Variants in RIMS2 observed in about 807,000 individuals in gnomAD.
RIMS2 encodes regulating synaptic membrane exocytosis protein 2.
A neutral mutation model predicts 174.4 loss-of-function variants in RIMS2; 59 were observed. The observed-to-expected ratio is 0.34, with a 90% CI of 0.27 to 0.42. The LOEUF (loss-of-function observed/expected upper bound fraction) is 0.42. Ranked by LOEUF, RIMS2 falls within the 10% of genes least tolerant of loss-of-function variation. The pLI, the probability that RIMS2 is intolerant of heterozygous loss-of-function variation, is 1.00. For synonymous variants in RIMS2, 606 were observed against 572.5 expected, an observed-to-expected ratio of 1.06 and a Z score of -0.84; for missense variants, 1,620 against 1,666.3, an observed-to-expected ratio of 0.97 and a Z score of 0.48.
At chr8:103,693,064 G>A (rs1458460106) in intron 1 of RIMS2, among the ~76,000 whole-genome samples, 1 of 152,172 alleles carries the variant, frequency 6.6e-6, no homozygotes, top group South Asian at 2.1e-4. Flanking sequence ...TCCTACTGCT[G>A]TGATGGGCAA....
chr8:103,985,184 G>A (rs576922472), intron 16 of RIMS2, among the ~76,000 whole-genome samples: 24 of 152,022 alleles, frequency 1.6e-4, no homozygotes, highest in Non-Finnish European at 3.1e-4. Context: ...AACTAAAAGA[G>A]TATAATCGGG....
chr8:103,532,166 G>T (rs1837487045), intron 1 of RIMS2, among the ~76,000 whole-genome samples: 4 of 152,098 alleles, frequency 2.6e-5, no homozygotes, highest in South Asian at 2.1e-4. Context: ...GCTCTTCATT[G>T]TACACAAATA....
At chr8:103,614,670 C>T (rs1304323289) in intron 1 of RIMS2, among the ~76,000 whole-genome samples, 3 of 152,200 alleles carry the variant, frequency 2.0e-5, no homozygotes, top group Non-Finnish European at 4.4e-5. Flanking sequence ...AGCAACCCTC[C>T]TTTCTACTCA....
intron 3 of RIMS2, among the ~76,000 whole-genome samples, chr8:103,791,179 G>A (rs549650414): frequency 1.6e-3 from 240 of 152,234 alleles, no homozygotes; most frequent in Non-Finnish European, 2.6e-3. Flanking sequence ...AGAGAAGGTC[G>A]GGTTACCCAC....
At chr8:104,121,770 T>G (rs2098378483) in intron 19 of RIMS2, among the ~76,000 whole-genome samples, 1 of 151,974 alleles carries the variant, frequency 6.6e-6, no homozygotes, top group Non-Finnish European at 1.5e-5. Flanking sequence ...GAGACCAGCC[T>G]GACCAACATG....
chr8:103,595,337 C>A (rs545763494), intron 1 of RIMS2, among the ~76,000 whole-genome samples: 3 of 151,760 alleles, frequency 2.0e-5, no homozygotes, highest in African/African-American at 4.8e-5. Flanking sequence ...GTAAAAGGTA[C>A]AATTTCTCAT....
intron 3 of RIMS2, among the ~76,000 whole-genome samples, chr8:103,770,371 T>A (rs193056868): frequency 6.6e-6 from 1 of 151,934 alleles, no homozygotes; most frequent in Non-Finnish European, 1.5e-5. Flanking sequence ...AGGTCAGGAG[T>A]TCAAGACCAG....
At chr8:103,841,816 G>A (rs752019081) in intron 3 of RIMS2, among the ~76,000 whole-genome samples, 11 of 152,064 alleles carry the variant, frequency 7.2e-5, no homozygotes, top group Non-Finnish European at 1.5e-4. Flanking sequence ...GTAGCCGGGT[G>A]TGATGGCACA....
intron 1 of RIMS2, among the ~76,000 whole-genome samples, chr8:103,646,351 T>C (rs904217411): frequency 2.0e-5 from 3 of 152,138 alleles, no homozygotes; most frequent in African/African-American, 7.2e-5. Flanking sequence ...TTTCGTATCA[T>C]ATGCATCATG....
intron 3 of RIMS2, among the ~76,000 whole-genome samples, chr8:103,817,707 G>A (rs1453164008): frequency 6.6e-6 from 1 of 152,146 alleles, no homozygotes; most frequent in Non-Finnish European, 1.5e-5. Flanking sequence ...AACCTGGGAG[G>A]CAGACGTTGC....
chr8:103,755,352 T>C (rs928721953), intron 2 of RIMS2, among the ~76,000 whole-genome samples: 1 of 152,116 alleles, frequency 6.6e-6, no homozygotes, highest in Non-Finnish European at 1.5e-5. Context: ...CTCTCTGGCT[T>C]CCCTTAATAT....
chr8:104,041,657 T>TAC (rs141044034), intron 19 of RIMS2, among the ~76,000 whole-genome samples: 3 of 151,308 alleles, frequency 2.0e-5, no homozygotes, highest in African/African-American at 2.4e-5. Flanking sequence ...TATATTTAGG[T>TAC]ACACACACAC....
At chr8:104,008,282 G>T (rs1208156685) in intron 17 of RIMS2, among the ~76,000 whole-genome samples, 1 of 151,660 alleles carries the variant, frequency 6.6e-6, no homozygotes, top group Non-Finnish European at 1.5e-5. Context: ...GGATTTTACA[G>T]GTAACATGTC....
intron 3 of RIMS2, among the ~76,000 whole-genome samples, chr8:103,804,095 C>T (rs573815363): frequency 6.6e-6 from 1 of 152,174 alleles, no homozygotes; most frequent in East Asian, 1.9e-4. Context: ...CAAACTAGTA[C>T]AGCATATTTC....
At chr8:103,613,067 C>T (rs1202718946) in intron 1 of RIMS2, among the ~76,000 whole-genome samples, 2 of 152,114 alleles carry the variant, frequency 1.3e-5, no homozygotes, top group Non-Finnish European at 2.9e-5. Flanking sequence ...GTACTCAAAC[C>T]CCTAGGGCTC....
chr8:103,926,244 C>A (rs2078751905), intron 10 of RIMS2, among the ~76,000 whole-genome samples: 1 of 151,390 alleles, frequency 6.6e-6, no homozygotes, highest in Non-Finnish European at 1.5e-5. Context: ...TTCTAAAGTA[C>A]CTTGTTTAGT....
intron 1 of RIMS2, among the ~76,000 whole-genome samples, chr8:103,608,413 T>C (rs1336298581): frequency 6.9e-6 from 1 of 144,220 alleles, no homozygotes; most frequent in African/African-American, 2.7e-5. Flanking sequence ...GACAGGGACA[T>C]TTAAGTCTGC....
chr8:103,967,865 T>C (rs2092308092), intron 15 of RIMS2, among the ~76,000 whole-genome samples: 2 of 146,306 alleles, frequency 1.4e-5, no homozygotes, highest in South Asian at 2.2e-4. Flanking sequence ...TTTTTTTTTT[T>C]TTTTTTGAGA....
At chr8:103,950,347 T>A (rs537894333) in intron 14 of RIMS2, among the ~76,000 whole-genome samples, 113 of 152,130 alleles carry the variant, frequency 7.4e-4, no homozygotes, top group African/African-American at 2.7e-3. Flanking sequence ...CTCATGAAAA[T>A]TTTAGCAAAT....
Sources: allele counts gnomAD v4.1 joint callset (sites outside exome capture counted in the v4.1 genomes callset), GRCh38; gene constraint gnomAD v4.1.1; transcripts MANE v1.5; gene names NCBI Gene and HGNC (gene_info 2026-07-23, HGNC 2026-07-21).